Variants in TIAM1 observed in about 807,000 individuals in gnomAD.
TIAM1 encodes TIAM Rac1 associated GEF 1, also known as rho guanine nucleotide exchange factor TIAM1.
TIAM1 carries 65 observed loss-of-function variants against 163.5 expected under a neutral mutation model. The observed-to-expected ratio is 0.40, with a 90% CI of 0.33 to 0.49. The LOEUF (loss-of-function observed/expected upper bound fraction) is 0.49, where lower values mean the gene tolerates loss of function less well. Among genes scored for constraint, TIAM1 ranks in the 20% least tolerant of loss-of-function variants. The pLI is 0.77. For missense variants in TIAM1, 1,789 were observed against 2,044.7 expected, an observed-to-expected ratio of 0.87 and a Z score of 2.41; for synonymous variants, 833 against 810.1, an observed-to-expected ratio of 1.03 and a Z score of -0.48.
intron 19 of TIAM1, among the ~76,000 whole-genome samples, chr21:31,150,565 C>A (rs1439245595): frequency 6.6e-6 from 1 of 152,042 alleles, no homozygotes; most frequent in Admixed American, 6.5e-5. Context: ...TACATTAAAC[C>A]ATAACAAATT....
intron 2 of TIAM1, among the ~76,000 whole-genome samples, chr21:31,334,287 G>A (rs553732213): frequency 5.5e-4 from 50 of 91,636 alleles, no homozygotes; most frequent in African/African-American, 1.6e-3. Context: ...CCACCTCCCC[G>A]CCTTTTTTTT....
chr21:31,206,059 A>G (rs1436543398), intron 11 of TIAM1, among the ~76,000 whole-genome samples: 1 of 152,370 alleles, frequency 6.6e-6, no homozygotes, highest in South Asian at 2.1e-4. Flanking sequence ...TAATGTCTTG[A>G]TAACTTTAAA....
chr21:31,381,827 G>C (rs568698226), intron 2 of TIAM1, among the ~76,000 whole-genome samples: 4 of 152,254 alleles, frequency 2.6e-5, no homozygotes, highest in Non-Finnish European at 4.4e-5. Flanking sequence ...GTAAGACCCT[G>C]TCTCAAAAAT....
chr21:31,293,012 C>T (rs976752574), intron 2 of TIAM1, among the ~76,000 whole-genome samples: 4 of 152,136 alleles, frequency 2.6e-5, no homozygotes, highest in Non-Finnish European at 4.4e-5. Flanking sequence ...GTAGTAGAGA[C>T]GGAGTTTCGC....
chr21:31,410,064 G>C (rs890223743), intron 2 of TIAM1, among the ~76,000 whole-genome samples: 7 of 151,830 alleles, frequency 4.6e-5, no homozygotes, highest in African/African-American at 1.5e-4. Flanking sequence ...AAAGTCAATG[G>C]AGGCAGCACT....
intron 2 of TIAM1, among the ~76,000 whole-genome samples, chr21:31,419,862 C>T (rs1243563107): frequency 6.6e-6 from 1 of 152,138 alleles, no homozygotes; most frequent in East Asian, 1.9e-4. Context: ...ACCAGCCTAG[C>T]CAACATGGTG....
intron 2 of TIAM1, among the ~76,000 whole-genome samples, chr21:31,409,112 C>CTTTTT (rs200352360): frequency 2.8e-5 from 4 of 141,136 alleles, no homozygotes; most frequent in African/African-American, 7.9e-5. Context: ...TTCTCCTTTT[C>CTTTTT]TTTTTTTTTT....
chr21:31,199,728 A>G (rs948310631), intron 12 of TIAM1, among the ~76,000 whole-genome samples: 4 of 151,116 alleles, frequency 2.6e-5, no homozygotes, highest in African/African-American at 9.7e-5. Flanking sequence ...ATGGAGTTTC[A>G]GCATGTTGGC....
At chr21:31,161,773 C>T (rs2083933782) in intron 16 of TIAM1, among the ~76,000 whole-genome samples, 1 of 152,180 alleles carries the variant, frequency 6.6e-6, no homozygotes, top group Non-Finnish European at 1.5e-5. Flanking sequence ...TGCATTCAGA[C>T]AAGGCTAAAT....
intron 19 of TIAM1, among the ~76,000 whole-genome samples, chr21:31,150,895 A>C (rs2083340886): frequency 6.6e-6 from 1 of 152,258 alleles, no homozygotes. Flanking sequence ...TTAGTAAACA[A>C]ATAACCCAGT....
intron 2 of TIAM1, among the ~76,000 whole-genome samples, chr21:31,442,070 A>AATAAATAT (rs370046459): frequency 1.3e-4 from 7 of 53,244 alleles, no homozygotes; most frequent in Admixed American, 8.7e-4. Flanking sequence ...CAAATAAATA[A>AATAAATAT]ATATATATAT....
chr21:31,370,234 C>T (rs1380324250), intron 2 of TIAM1, among the ~76,000 whole-genome samples: 3 of 152,112 alleles, frequency 2.0e-5, no homozygotes, highest in Non-Finnish European at 4.4e-5. Flanking sequence ...TTATTTGGAT[C>T]ACGATTCAAA....
intron 6 of TIAM1, among the ~76,000 whole-genome samples, chr21:31,238,336 T>A (rs2071000200): frequency 6.6e-6 from 1 of 152,186 alleles, no homozygotes; most frequent in Admixed American, 6.5e-5. Context: ...CAGCAGTAAT[T>A]TCCTCCAAAA....
intron 24 of TIAM1, among the ~76,000 whole-genome samples, 184 bp from the exon 25 acceptor site, chr21:31,130,499 G>A (rs905700855): frequency 6.6e-6 from 1 of 152,186 alleles, no homozygotes; most frequent in Non-Finnish European, 1.5e-5. Flanking sequence ...AATACGTTGA[G>A]GGGAGGGTGT....
chr21:31,358,815 G>C (rs186294664), intron 2 of TIAM1, among the ~76,000 whole-genome samples: 1 of 152,018 alleles, frequency 6.6e-6, no homozygotes, highest in Admixed American at 6.6e-5. Context: ...AGGACCATGG[G>C]GATCCTTTTA....
At chr21:31,317,907 T>G (rs1209157547) in intron 2 of TIAM1, among the ~76,000 whole-genome samples, 1 of 152,236 alleles carries the variant, frequency 6.6e-6, no homozygotes, top group African/African-American at 2.4e-5. Flanking sequence ...CTTATTCATA[T>G]TCTCAGGCAG....
chr21:31,468,153 C>A (rs1449603092), intron 1 of TIAM1, among the ~76,000 whole-genome samples: 2 of 151,392 alleles, frequency 1.3e-5, no homozygotes, highest in African/African-American at 2.4e-5. Flanking sequence ...AAAGTGCGAT[C>A]TACTTGCTGG....
chr21:31,344,656 C>T (rs2076112117), upstream of TIAM1, among the ~76,000 whole-genome samples: 1 of 152,112 alleles, frequency 6.6e-6, no homozygotes, highest in African/African-American at 2.4e-5. Flanking sequence ...GACCTAACTC[C>T]CAAACATCTA....
chr21:31,217,539 G>T lies in TIAM1; in HGVS notation c.2142+14C>A. The T allele has an allele frequency of 6.2e-7, 1 of 1,611,646 alleles. No homozygotes were observed. The highest frequency in any genetic ancestry group is 8.5e-7 in the Non-Finnish European group (1 of 1,178,650). Reference sequence around the variant, plus strand: ...ATTTGTGCGGGCTCACTTTTCATCTGCTCTGGAACCTACCTGATTGATGCT... The same window carrying T: ...ATTTGTGCGGGCTCACTTTTCATCTTCTCTGGAACCTACCTGATTGATGCT... On this transcript the variant is annotated intron_variant, in intron 9 of 27. Coordinates refer to ENST00000541036, the MANE Select transcript of TIAM1 (RefSeq NM_001353694.2).
Sources: allele counts gnomAD v4.1 joint callset (sites outside exome capture counted in the v4.1 genomes callset), GRCh38; gene constraint gnomAD v4.1.1; transcripts MANE v1.5; gene names NCBI Gene and HGNC (gene_info 2026-07-23, HGNC 2026-07-21).